The following LPCAT2 variants were observed in gnomAD, a reference collection of about 807,000 sequenced individuals.
LPCAT2 encodes the protein lysophosphatidylcholine acyltransferase 2, also known as 1-AGP acyltransferase 11.
In LPCAT2, 58 loss-of-function variants were observed where a neutral mutation model predicts 64.7. The observed-to-expected ratio is 0.90, with a 90% CI of 0.73 to 1.12. LPCAT2 has a LOEUF of 1.12. Ranked by LOEUF, LPCAT2 falls within the 50% of genes most tolerant of loss-of-function variation. The pLI is 0.00. For missense variants in LPCAT2, 579 were observed against 669.8 expected (o/e 0.86, Z 1.50); for synonymous variants, 252 against 245.3 (o/e 1.03, Z -0.26).
intron 1 of LPCAT2, among the ~76,000 whole-genome samples, chr16:55,514,432 A>G (rs1454559702): frequency 6.6e-6 from 1 of 152,216 alleles, no homozygotes; most frequent in Admixed American, 6.5e-5. Flanking sequence ...TGCTGGTTTC[A>G]GGTGCTTAAG....
chr16:55,566,859 A>G, intron 11 of LPCAT2: 2 of 1,613,892 alleles, frequency 1.2e-6, no homozygotes, highest in Non-Finnish European at 1.7e-6. Context: ...AGGAGGAGGA[A>G]GAAATATTGG....
chr16:55,535,778 T>G (rs1187629251), intron 7 of LPCAT2, among the ~76,000 whole-genome samples: 9 of 152,188 alleles, frequency 5.9e-5, no homozygotes, highest in Non-Finnish European at 4.4e-5. Flanking sequence ...ACAGGTTAAG[T>G]TCCTTACAGA....
Position 55,532,032 on chromosome 16 carries a change from T to C in LPCAT2, c.703+58T>C, listed in dbSNP as rs538589248. On this transcript the variant is annotated intron_variant, in intron 5 of 13. Transcript: ENST00000262134. ...GTAATATGTGAGATTTTGCAAATGA[T>C]TTTATAGAAATACACAAAATAACTC... The C allele has an allele frequency of 6.0e-4, 665 of 1,111,942 alleles. 1 individual carries two copies. Among genetic ancestry groups the C allele is most frequent in the Non-Finnish European group, 8.6e-4 (631 of 732,334 alleles). The allele number at this position is 1,111,942 out of a possible 1,614,324, so 68.9% of individuals were successfully genotyped here.
chr16:55,549,143 C>T (rs180791622), intron 9 of LPCAT2, 134 bp from the exon 10 acceptor site: 9 of 610,048 alleles, frequency 1.5e-5, no homozygotes, highest in Admixed American at 1.2e-4. Flanking sequence ...TCAAGAAAAG[C>T]GAGAGTTACT....
At chr16:55,529,047 G>T (rs1216761153) in intron 3 of LPCAT2, among the ~76,000 whole-genome samples, 1 of 152,188 alleles carries the variant, frequency 6.6e-6, no homozygotes, top group Non-Finnish European at 1.5e-5. Flanking sequence ...CTCCATGAGG[G>T]ACCTATGTGT....
intron 11 of LPCAT2, among the ~76,000 whole-genome samples, chr16:55,553,048 A>C (rs201945783): frequency 4.9e-4 from 1 of 2,038 alleles, no homozygotes; most frequent in Non-Finnish European, 0.025. Context: ...ACAGCTTGAC[A>C]GTTGAACAGG....
chr16:55,536,867 T>G (rs1200937852), intron 7 of LPCAT2, among the ~76,000 whole-genome samples: 1 of 152,188 alleles, frequency 6.6e-6, no homozygotes, highest in East Asian at 1.9e-4. Context: ...CTTAACCACT[T>G]TAAAGACAGC....
chr16:55,568,717 C>T (rs1963735840), intron 11 of LPCAT2, among the ~76,000 whole-genome samples: 1 of 152,160 alleles, frequency 6.6e-6, no homozygotes, highest in African/African-American at 2.4e-5. Context: ...TCAAGCCTGT[C>T]TCAGCCAAAA....
At position 55,584,961 on chromosome 16, in the gene LPCAT2, T is replaced by A. The variant is rs529006062; in HGVS notation, c.*1863T>A. On this transcript the variant is annotated 3_prime_UTR_variant, in exon 14 of 14. Transcript: ENST00000262134. Reference sequence around the variant, plus strand: ...GAATGTATGTAATACTAAAAAATCATGACTACTTTTATCAAAGAAAAACCA... The same window carrying A: ...GAATGTATGTAATACTAAAAAATCAAGACTACTTTTATCAAAGAAAAACCA... 1.3e-5 allele frequency: 2 copies of A among 152,346 alleles called. No individual in the cohort carries two copies. The highest frequency in any genetic ancestry group is 4.8e-5 in the African/African-American group (2 of 41,594). 9.4% of individuals were successfully genotyped at this position (152,346 alleles called of 1,614,324 possible).
chr16:55,510,773 A>G (rs1215313509), intron 1 of LPCAT2, among the ~76,000 whole-genome samples: 1 of 152,184 alleles, frequency 6.6e-6, no homozygotes, highest in Non-Finnish European at 1.5e-5. Flanking sequence ...ACATTCTGAA[A>G]CATTTGTAAA....
intron 13 of LPCAT2, 22 bp downstream of exon 13, chr16:55,579,266 C>CTGACTTAGT: frequency 1.9e-6 from 3 of 1,607,998 alleles, no homozygotes; most frequent in Non-Finnish European, 2.5e-6. Context: ...ATCTGGCCTC[C>CTGACTTAGT]TGACTTAGTT....
rs1166174041 is a variant in LPCAT2 at position 55,532,013 on chromosome 16, T to G, written c.703+39T>G. ...AATTATGTATTCTAACAAAGTAATA[T>G]GTGAGATTTTGCAAATGATTTTATA... is the stretch of plus-strand genomic sequence containing the variant. On this transcript the variant is annotated intron_variant, in intron 5 of 13. Transcript: ENST00000262134. The G allele has an allele frequency of 3.3e-6, 4 of 1,218,368 alleles. No homozygotes were observed. The Middle Eastern group carries it at 5.8e-4, about 177-fold the overall frequency. 75.5% of individuals were successfully genotyped at this position (1,218,368 alleles called of 1,614,324 possible). A position where few individuals can be genotyped will look rare whatever the true frequency, so the allele number is the denominator to read the frequency against.
At chr16:55,516,345 T>C (rs1296643283) in intron 1 of LPCAT2, among the ~76,000 whole-genome samples, 2 of 152,162 alleles carry the variant, frequency 1.3e-5, no homozygotes, top group Non-Finnish European at 2.9e-5. Flanking sequence ...GCTCAAGCAG[T>C]CTTTCCACCT....
Position 55,528,488 on chromosome 16 carries a change from TG to T in LPCAT2, c.424del (p.Val142LeufsTer16). 6.2e-7 allele frequency: 1 copy of T among 1,614,078 alleles called. No homozygotes were observed. The highest frequency in any genetic ancestry group is 8.5e-7 in the Non-Finnish European group (1 of 1,179,976). ...CAAGTCCTTTGGAAGCACCAGTTTT[TG>T]TTGCTGCCCCTCATTCAACATTCTT... Reference protein sequence around the residue: ...IASPLEAPVFVAAPHSTFFDG... With the variant: ...IASPLEAPVFXAAPHSTFFDG... On this transcript the variant is annotated frameshift_variant, in exon 3 of 14. Coordinates refer to ENST00000262134, the MANE Select transcript of LPCAT2 (RefSeq NM_017839.5). LOFTEE classifies it high-confidence loss of function.
At chr16:55,510,215 A>C (rs1962911402) in intron 1 of LPCAT2, among the ~76,000 whole-genome samples, 3 of 152,068 alleles carry the variant, frequency 2.0e-5, no homozygotes, top group African/African-American at 7.2e-5. Context: ...ATCAGTCTTC[A>C]CCTAAAAACG....
chr16:55,583,306 T>C lies in LPCAT2; in HGVS notation c.*208T>C. The C allele has an allele frequency of 2.1e-6, 1 of 481,340 alleles. No individual in the cohort carries two copies. The highest frequency in any genetic ancestry group is 3.7e-6 in the Non-Finnish European group (1 of 269,934). The allele number at this position is 481,340 out of a possible 1,614,324, so 29.8% of individuals were successfully genotyped here. A position where few individuals can be genotyped will look rare whatever the true frequency, so the allele number is the denominator to read the frequency against. On this transcript the variant is annotated 3_prime_UTR_variant, in exon 14 of 14. Coordinates refer to ENST00000262134, the MANE Select transcript of LPCAT2 (RefSeq NM_017839.5). ...CAATATTTCGTTTTCTTTTGTGTTATATTGTACTTTACTGATTCATTTACT... is the reference window on the plus strand; with the variant it reads ...CAATATTTCGTTTTCTTTTGTGTTACATTGTACTTTACTGATTCATTTACT...
At chr16:55,565,326 TATC>T (rs1476521422) in intron 11 of LPCAT2, among the ~76,000 whole-genome samples, 1 of 152,020 alleles carries the variant, frequency 6.6e-6, no homozygotes, top group Non-Finnish European at 1.5e-5. Flanking sequence ...AAAATAGAAT[TATC>T]ATATGATTCA....
rs1479534932 is a variant in LPCAT2, at chr16:55,584,628, TTG to T, written c.*1531_*1532del. On this transcript the variant is annotated 3_prime_UTR_variant, in exon 14 of 14. Coordinates refer to ENST00000262134, the MANE Select transcript of LPCAT2 (RefSeq NM_017839.5). ...TGTTTTGGCCGTGTTTCTGAATGTATTGGTGATTCACCCCCAAGCTAATTTTT... is the reference window on the plus strand; with the variant it reads ...TGTTTTGGCCGTGTTTCTGAATGTATGTGATTCACCCCCAAGCTAATTTTT... 1 of 152,200 alleles carries T rather than the reference TTG, an allele frequency of 6.6e-6. No homozygotes were observed. The highest frequency in any genetic ancestry group is 1.5e-5 in the Non-Finnish European group (1 of 68,026). 9.4% of individuals were successfully genotyped at this position (152,200 alleles called of 1,614,324 possible). A position where few individuals can be genotyped will look rare whatever the true frequency, so the allele number is the denominator to read the frequency against.
chr16:55,532,645 TA>T lies in LPCAT2; in HGVS notation c.704-167del, dbSNP rs35836363. ...ATATTTTGCTTCAGTAGTTCTTAATTAAAAAAAAAAAATCCCTCATTTTGGT... is the reference window on the plus strand; with the variant it reads ...ATATTTTGCTTCAGTAGTTCTTAATTAAAAAAAAAAATCCCTCATTTTGGT... On this transcript the variant is annotated intron_variant, in intron 5 of 13. Transcript: ENST00000262134. The T allele has an allele frequency of 7.1e-3, 1,981 of 279,704 alleles. 20 individuals are homozygous for T. The highest frequency in any genetic ancestry group is 0.04 in the East Asian group (627 of 15,788). The allele number at this position is 279,704 out of a possible 1,614,324, so 17.3% of individuals were successfully genotyped here.
Sources: allele counts gnomAD v4.1 joint callset (sites outside exome capture counted in the v4.1 genomes callset), GRCh38; gene constraint gnomAD v4.1.1; transcripts MANE v1.5; gene names NCBI Gene and HGNC (gene_info 2026-07-23, HGNC 2026-07-21).